BTAF1: variants seen among roughly 807,000 people sequenced by gnomAD.
The protein encoded by BTAF1 is TATA-binding protein-associated factor 172.
In BTAF1, 38 loss-of-function variants were observed where a neutral mutation model predicts 227.1. The ratio of observed to expected loss-of-function variants is 0.17; its 90% CI spans 0.13 to 0.22. BTAF1 has a LOEUF of 0.22. BTAF1 is among the 10% of genes least tolerant of loss of function. The pLI, the probability that BTAF1 is intolerant of heterozygous loss-of-function variation, is 1.00. For synonymous variants in BTAF1, 742 were observed against 751.9 expected (o/e 0.99, Z 0.21); for missense variants, 1,598 against 2,204.0 (o/e 0.73, Z 5.51).
intron 14 of BTAF1, among the ~76,000 whole-genome samples, chr10:91,969,276 A>G (rs1847129350): frequency 6.6e-6 from 1 of 152,074 alleles, no homozygotes; most frequent in South Asian, 2.1e-4. Context: ...ACTTTACATT[A>G]CTAGAAAATA....
At chr10:92,015,351 G>A (rs1380903559) in intron 32 of BTAF1, among the ~76,000 whole-genome samples, 15 of 152,002 alleles carry the variant, frequency 9.9e-5, no homozygotes, top group Admixed American at 9.2e-4. Context: ...GATTCACTAC[G>A]GTCAAATGAA....
chr10:91,930,847 C>G (rs1844229440), intron 1 of BTAF1, among the ~76,000 whole-genome samples: 1 of 152,122 alleles, frequency 6.6e-6, no homozygotes, highest in Non-Finnish European at 1.5e-5. Context: ...TAAATGGCTA[C>G]TCTTGACTGG....
At chr10:92,008,390 C>G (rs1850076284) in intron 26 of BTAF1, 115 bp downstream of exon 26, 1 of 1,049,260 alleles carries the variant, frequency 9.5e-7, no homozygotes, top group African/African-American at 1.7e-5. Context: ...GTTGCCCAGG[C>G]TGGGGTGCAG....
intron 35 of BTAF1, 102 bp downstream of exon 35, chr10:92,025,069 A>C: frequency 1.0e-6 from 1 of 992,658 alleles, no homozygotes; most frequent in East Asian, 2.6e-5. Context: ...CTGCAAATGC[A>C]TTTTTTTAAT....
At chr10:91,948,499 C>G (rs1400167382) in intron 4 of BTAF1, among the ~76,000 whole-genome samples, 1 of 151,558 alleles carries the variant, frequency 6.6e-6, no homozygotes, top group African/African-American at 2.4e-5. Context: ...AAGCAATCCT[C>G]CCATCTTGCT....
intron 4 of BTAF1, among the ~76,000 whole-genome samples, chr10:91,943,574 T>C (rs892475987): frequency 6.6e-6 from 1 of 152,188 alleles, no homozygotes. Context: ...ATAAAAAATG[T>C]CAAATACTCA....
intron 1 of BTAF1, among the ~76,000 whole-genome samples, chr10:91,924,492 A>G (rs369151604): frequency 1.1e-4 from 17 of 152,190 alleles, no homozygotes; most frequent in African/African-American, 3.1e-4. Flanking sequence ...CTGAATTACT[A>G]TTATCTAAGA....
In BTAF1 at chr10:91,951,410, G is replaced by A. The variant is rs370567285; in HGVS notation, c.408G>A (p.Val136=). Residue 136 remains valine (V), a synonymous_variant, in exon 5 of 38, where the codon GTG becomes GTA. Coordinates refer to ENST00000265990, the MANE Select transcript of BTAF1 (RefSeq NM_003972.3). ...FEVQDEKSGE[V]DPKERIARQR... is the part of the protein sequence containing the mutation. Reference sequence around the variant, plus strand: ...TTTCTTTTCTGTTGAAAGGTGAAGTGGATCCTAAAGAGAGGATAGCACGCC... The same window carrying A: ...TTTCTTTTCTGTTGAAAGGTGAAGTAGATCCTAAAGAGAGGATAGCACGCC... 1 of 1,607,368 alleles carries A rather than the reference G, an allele frequency of 6.2e-7. No homozygotes were observed. The highest frequency in any genetic ancestry group is 8.5e-7 in the Non-Finnish European group (1 of 1,178,240).
chr10:91,942,647 T>C, intron 4 of BTAF1, 79 bp downstream of exon 4: 1 of 1,474,428 alleles, frequency 6.8e-7, no homozygotes, highest in Non-Finnish European at 9.3e-7. Context: ...TGTTCATTAG[T>C]CACACGTAAA....
At chr10:91,931,081 T>G (rs941243067) in intron 1 of BTAF1, among the ~76,000 whole-genome samples, 1 of 152,136 alleles carries the variant, frequency 6.6e-6, no homozygotes, top group Non-Finnish European at 1.5e-5. Flanking sequence ...GCATGACATT[T>G]CTTTCTGTTT....
chr10:91,984,471 A>G (rs1848267377), intron 19 of BTAF1, 67 bp downstream of exon 19: 2 of 1,370,666 alleles, frequency 1.5e-6, no homozygotes, highest in African/African-American at 1.4e-5. Flanking sequence ...ATTTGTCATG[A>G]CATGTTTATC....
intron 30 of BTAF1, 75 bp from the exon 31 acceptor site, chr10:92,013,592 C>A: frequency 6.4e-7 from 1 of 1,556,332 alleles, no homozygotes; most frequent in Admixed American, 1.7e-5. Flanking sequence ...TAATAATGGG[C>A]TTTCATTAAT....
chr10:91,966,494 A>ACATTCATGTAACAATGTCATTCAC, intron 13 of BTAF1, 143 bp from the exon 14 acceptor site: 1 of 801,314 alleles, frequency 1.2e-6, no homozygotes, highest in Non-Finnish European at 1.9e-6. Context: ...GTTCATATGA[A>ACATTCATGTAACAATGTCATTCAC]AACTGTATTA....
Position 91,989,398 on chromosome 10 carries a change from C to T in BTAF1, c.2672C>T (p.Thr891Ile), listed in dbSNP as rs201084768. The T allele has an allele frequency of 1.9e-6, 3 of 1,614,136 alleles. No homozygotes were observed. The highest frequency in any genetic ancestry group is 2.2e-5 in the East Asian group (1 of 44,878). Reference protein sequence around the residue: ...LMETIKKEENTLVQNYAAQCI... With the variant: ...LMETIKKEENILVQNYAAQCI... ...GAGACAATTAAAAAAGAAGAGAATA[C>T]ACTAGTGCAAAACTATGCAGCTCAG... The change falls in exon 20 of 38, where the codon ACA becomes ATA. Residue 891 changes from threonine to isoleucine, a missense_variant. This residue lies in a region of BTAF1 where 425 missense variants were observed against 491.2 expected (regional missense o/e 0.87). Coordinates refer to ENST00000265990, the MANE Select transcript of BTAF1 (RefSeq NM_003972.3).
chr10:92,023,696 T>C (rs138164582), intron 34 of BTAF1, among the ~76,000 whole-genome samples: 1 of 151,986 alleles, frequency 6.6e-6, no homozygotes, highest in Non-Finnish European at 1.5e-5. Context: ...AAAAAAAAGA[T>C]CTTAGATTTT....
At chr10:91,995,427 A>G (rs557829526) in intron 23 of BTAF1, among the ~76,000 whole-genome samples, 1 of 152,298 alleles carries the variant, frequency 6.6e-6, no homozygotes, top group African/African-American at 2.4e-5. Context: ...CTGTAATCCC[A>G]GCACTTTGGG....
chr10:91,933,584 T>C (rs1844410301), intron 1 of BTAF1, among the ~76,000 whole-genome samples: 1 of 152,148 alleles, frequency 6.6e-6, no homozygotes, highest in Non-Finnish European at 1.5e-5. Flanking sequence ...AAGAATGGGG[T>C]GCTTGCTGGT....
intron 14 of BTAF1, among the ~76,000 whole-genome samples, chr10:91,967,715 G>T (rs1296395443): frequency 6.6e-6 from 1 of 152,142 alleles, no homozygotes; most frequent in African/African-American, 2.4e-5. Flanking sequence ...TCAAGCATGG[G>T]CTGATATGAC....
Position 91,942,481 on chromosome 10 carries a change from A to G in BTAF1, c.313A>G (p.Arg105Gly). Residue 105 changes from arginine to glycine, a missense_variant, in exon 4 of 38, where the codon AGA becomes GGA. Physicochemically the swap from Arg to Gly is moderately radical, Grantham distance 125. Around this residue, in one of 10 missense-constraint regions of BTAF1, gnomAD observed 298 missense variants for 395.2 expected, o/e 0.75. Transcript: ENST00000265990. ...SPTTERLNFD[R>G]FDICRLLQHG... ...TACTACAGAGCGATTGAATTTTGAC[A>G]GATTTGATATATGTAGATTGTTACA... 2.5e-6 allele frequency: 4 copies of G among 1,614,078 alleles called. No homozygotes were observed. The highest frequency in any genetic ancestry group is 3.4e-6 in the Non-Finnish European group (4 of 1,179,924).
Sources: allele counts gnomAD v4.1 joint callset (sites outside exome capture counted in the v4.1 genomes callset), GRCh38; gene constraint gnomAD v4.1.1; regional missense constraint gnomAD v4.1.1; transcripts MANE v1.5; gene names NCBI Gene and HGNC (gene_info 2026-07-23, HGNC 2026-07-21).